Variants in COL5A1 observed in about 807,000 individuals in gnomAD.
COL5A1 encodes collagen alpha-1(V) chain.
In COL5A1, 16 loss-of-function variants were observed where a neutral mutation model predicts 263.7. That is an observed-to-expected ratio of 0.06 (90% CI 0.04 to 0.09). The LOEUF (loss-of-function observed/expected upper bound fraction) is 0.09, where lower values mean the gene tolerates loss of function less well. COL5A1 is among the 10% of genes least tolerant of loss of function. The pLI, the probability that COL5A1 is intolerant of heterozygous loss-of-function variation, is 1.00. For synonymous variants in COL5A1, 1,012 were observed against 1,004.5 expected (o/e 1.01, Z -0.14); for missense variants, 2,036 against 2,540.5 (o/e 0.80, Z 4.27).
chr9:134,700,438 C>G lies in COL5A1; in HGVS notation c.491+316C>G, dbSNP rs1465659714. Among the ~76,000 whole-genome samples the G allele has an allele frequency of 2.0e-5, 3 of 152,158 alleles. No homozygotes were observed. Among genetic ancestry groups the G allele is most frequent in the Non-Finnish European group, 4.4e-5 (3 of 68,044 alleles). ...GACACAGGAAATTGTGAGGTTATACCCAACCTTTTCCAGAAAGGATTTCAG... is the reference window on the plus strand; with the variant it reads ...GACACAGGAAATTGTGAGGTTATACGCAACCTTTTCCAGAAAGGATTTCAG... On this transcript the variant is annotated intron_variant, in intron 3 of 65. Transcript: ENST00000371817. This position sits in a 1 kb window ranked among gnomAD's most constrained non-coding sequence, Gnocchi z 4.0.
intron 7 of COL5A1, 99 bp from the exon 8 acceptor site, chr9:134,731,397 C>T (rs952305097): frequency 1.2e-4 from 145 of 1,222,396 alleles, no homozygotes; most frequent in Non-Finnish European, 1.6e-4. Flanking sequence ...GATCTCTGCC[C>T]AGTTGACCGG....
chr9:134,721,066 G>GTGTGGC (rs1204308694), intron 4 of COL5A1, among the ~76,000 whole-genome samples: 1 of 152,150 alleles, frequency 6.6e-6, no homozygotes, highest in Admixed American at 6.5e-5. Flanking sequence ...AGGACACAGT[G>GTGTGGC]TGTGGCTGCG....
intron 63 of COL5A1, among the ~76,000 whole-genome samples, chr9:134,829,666 A>G (rs1220706326): frequency 5.5e-5 from 7 of 126,214 alleles, no homozygotes; most frequent in East Asian, 5.3e-4. Context: ...TCATCCTCAC[A>G]TGGCCTTCAG....
At chr9:134,792,819 ATGTGTGTGTATGCATGTGTATGTG>A in intron 32 of COL5A1, among the ~76,000 whole-genome samples, 1 of 114,064 alleles carries the variant, frequency 8.8e-6, no homozygotes, top group South Asian at 2.7e-4. Flanking sequence ...ATGTGTGTGC[ATGTGTGTGTATGCATGTGTATGTG>A]TGTGTGCGCA....
chr9:134,744,769 ACT>A (rs1321611946), intron 11 of COL5A1, among the ~76,000 whole-genome samples: 3 of 151,638 alleles, frequency 2.0e-5, no homozygotes, highest in Non-Finnish European at 4.4e-5. Flanking sequence ...GCACATGCTC[ACT>A]CATACATGCA....
intron 59 of COL5A1, 119 bp downstream of exon 59, chr9:134,822,269 G>T: frequency 1.2e-6 from 1 of 852,134 alleles, no homozygotes; most frequent in South Asian, 1.5e-5. Flanking sequence ...GCTGGAATTG[G>T]GGCCTCCAGG....
At chr9:134,810,427 C>A in intron 44 of COL5A1, 119 bp downstream of exon 44, 1 of 957,430 alleles carries the variant, frequency 1.0e-6, no homozygotes, top group Non-Finnish European at 1.6e-6. Context: ...GCGGGACATG[C>A]TGTGAAAATC....
At chr9:134,803,627 C>T (rs1382895296) in intron 39 of COL5A1, among the ~76,000 whole-genome samples, 1 of 151,662 alleles carries the variant, frequency 6.6e-6, no homozygotes, top group Non-Finnish European at 1.5e-5. Context: ...ACAAATGAAA[C>T]TCTGTTTTTA....
At chr9:134,805,422 C>T (rs1323764242) in intron 41 of COL5A1, among the ~76,000 whole-genome samples, 3 of 152,112 alleles carry the variant, frequency 2.0e-5, no homozygotes, top group Admixed American at 6.5e-5. Context: ...AGGGGCACAC[C>T]GAGGAAAGGA....
chr9:134,753,114 G>A (rs1835848221), intron 14 of COL5A1, among the ~76,000 whole-genome samples: 1 of 130,010 alleles, frequency 7.7e-6, no homozygotes, highest in African/African-American at 3.5e-5. Context: ...CGCACAGGCT[G>A]TGACTGCCTT....
chr9:134,821,913 G>A lies in COL5A1; in HGVS notation c.4555-184G>A, dbSNP rs1027134635. 7.2e-5 allele frequency among the ~76,000 whole-genome samples: 11 copies of A among 152,338 alleles called. No homozygotes were observed. Among genetic ancestry groups the A allele is most frequent in the South Asian group, 2.1e-4 (1 of 4,828 alleles). ...CAGCCTTGGGGTGGATGCTCAGGTC[G>A]ATGGCTCCCCTGACATGCACAGCCC... On this transcript the variant is annotated intron_variant, in intron 58 of 65. Transcript: ENST00000371817. The surrounding 1 kb of genome is among the most constrained non-coding windows in gnomAD (Gnocchi z 4.2).
Position 134,796,355 on chromosome 9 carries a change from CCT to C in COL5A1, c.2800-15_2800-14del, listed in dbSNP as rs1837909528. On this transcript the variant is annotated splice_polypyrimidine_tract_variant and intron_variant, in intron 34 of 65. Coordinates refer to ENST00000371817, the MANE Select transcript of COL5A1 (RefSeq NM_000093.5). ...TAATAACAATCATAAGCTTTTCCCC[CCT>C]CTCCTTCCCTCTCAAGGGCAACTCC... is the stretch of plus-strand genomic sequence containing the variant. The C allele has an allele frequency of 6.2e-7, 1 of 1,613,578 alleles. No individual in the cohort carries two copies. Among genetic ancestry groups the C allele is most frequent in the Non-Finnish European group, 8.5e-7 (1 of 1,179,486 alleles).
chr9:134,721,297 C>T (rs1834444615), intron 4 of COL5A1, among the ~76,000 whole-genome samples: 1 of 150,698 alleles, frequency 6.6e-6, no homozygotes, highest in South Asian at 2.1e-4. Context: ...TGCCCAGGCT[C>T]CCCCATAGTA....
chr9:134,647,997 G>A lies in COL5A1; in HGVS notation c.109+5701G>A, dbSNP rs1831532700. 6.6e-6 allele frequency among the ~76,000 whole-genome samples: 1 copy of A among 152,096 alleles called. No homozygotes were observed. Among genetic ancestry groups the A allele is most frequent in the Non-Finnish European group, 1.5e-5 (1 of 68,020 alleles). On this transcript the variant is annotated intron_variant, in intron 1 of 65. Transcript: ENST00000371817. This position sits in a 1 kb window ranked among gnomAD's most constrained non-coding sequence, Gnocchi z 5.0. ...TGTCTATGAGAGTGTTGCCAAAGGA[G>A]ATTAACATTTGAATCAGTGGGCTGG... is the stretch of plus-strand genomic sequence containing the variant.
intron 18 of COL5A1, among the ~76,000 whole-genome samples, chr9:134,760,034 A>C (rs1362045238): frequency 8.5e-6 from 1 of 117,714 alleles, no homozygotes; most frequent in Non-Finnish European, 1.7e-5. Flanking sequence ...ACCCACGCAC[A>C]CACGCACATA....
chr9:134,685,268 A>G, intron 1 of COL5A1, among the ~76,000 whole-genome samples: 1 of 28,152 alleles, frequency 3.6e-5, no homozygotes, highest in Non-Finnish European at 1.2e-4. Flanking sequence ...CCATCCATTA[A>G]GTCATCCATC....
At chr9:134,833,038 C>T (rs979499353) in intron 64 of COL5A1, among the ~76,000 whole-genome samples, 11 of 152,210 alleles carry the variant, frequency 7.2e-5, no homozygotes, top group Non-Finnish European at 2.9e-5. Flanking sequence ...CACGAGGCAG[C>T]GGTTGCATAG....
rs1360213430 is a variant in COL5A1 at position 134,795,282 on chromosome 9, C to A, written c.2766C>A (p.Gly922=). Reference sequence around the variant, plus strand: ...TCCAGGGTCCGAGGGGTGAAAGAGGCCCCCGGGGCATCACTGGGAAGCCTG... The same window carrying A: ...TCCAGGGTCCGAGGGGTGAAAGAGGACCCCGGGGCATCACTGGGAAGCCTG... The part of the protein sequence containing the change: ...RGPTGPRGER[G]PRGITGKPGP... Residue 922 remains glycine (G), a synonymous_variant, in exon 34 of 66, where the codon GGC becomes GGA. Coordinates refer to ENST00000371817, the MANE Select transcript of COL5A1 (RefSeq NM_000093.5). 2 of 1,613,738 alleles carry A rather than the reference C, an allele frequency of 1.2e-6. No homozygotes were observed. The highest frequency in any genetic ancestry group is 1.7e-6 in the Non-Finnish European group (2 of 1,179,948).
At position 134,813,740 on chromosome 9, in the gene COL5A1, C is replaced by T. The variant is rs557601312; in HGVS notation, c.3853-243C>T. Among the ~76,000 whole-genome samples the T allele has an allele frequency of 6.6e-5, 10 of 152,362 alleles. No homozygotes were observed. The East Asian group carries it at 1.9e-3, about 29-fold the overall frequency. ...CCCTTGGAGCAGCGCTCCGGGAAAG[C>T]CTTCACAGACAGTGTTGCTTGCAGT... On this transcript the variant is annotated intron_variant, in intron 48 of 65. Transcript: ENST00000371817.
Sources: gnomAD v4.1 joint callset for allele counts (sites outside exome capture counted in the v4.1 genomes callset) on GRCh38, gnomAD v4.1.1 for gene constraint, Gnocchi (gnomAD v3.1) non-coding constraint, MANE v1.5 for transcripts, NCBI Gene and HGNC (gene_info 2026-07-23, HGNC 2026-07-21) for gene names.